SLC25A13: variants seen among roughly 807,000 people sequenced by gnomAD.
SLC25A13 encodes the protein electrogenic aspartate/glutamate antiporter SLC25A13, mitochondrial.
In SLC25A13, 70 loss-of-function variants were observed where a neutral mutation model predicts 85.5. The ratio of observed to expected loss-of-function variants is 0.82; its 90% CI spans 0.68 to 1.00. The LOEUF (loss-of-function observed/expected upper bound fraction) is 1.00. SLC25A13 is among the 50% of genes least tolerant of loss of function. SLC25A13 has a pLI of 0.00. For missense variants in SLC25A13, 765 were observed against 819.8 expected (o/e 0.93, Z 0.82); for synonymous variants, 259 against 288.7 (o/e 0.90, Z 1.04).
intron 13 of SLC25A13, among the ~76,000 whole-genome samples, chr7:96,165,999 C>A (rs187866797): frequency 4.1e-4 from 62 of 152,296 alleles, no homozygotes; most frequent in Admixed American, 2.4e-3. Flanking sequence ...ATGGGAATCA[C>A]CATTATGGTA....
At chr7:96,146,779 A>C in intron 13 of SLC25A13, 83 bp from the exon 14 acceptor site, 1 of 1,468,874 alleles carries the variant, frequency 6.8e-7, no homozygotes. Flanking sequence ...ATTCTCAAGG[A>C]TAAAAATATT....
intron 11 of SLC25A13, among the ~76,000 whole-genome samples, chr7:96,177,282 C>G (rs759033396): frequency 2.0e-5 from 3 of 152,154 alleles, no homozygotes; most frequent in East Asian, 1.9e-4. Context: ...TCCAGGGGCC[C>G]TGTATACTTT....
chr7:96,292,440 C>A (rs1173405050), intron 2 of SLC25A13, among the ~76,000 whole-genome samples: 13 of 152,088 alleles, frequency 8.5e-5, no homozygotes, highest in Admixed American at 8.5e-4. Context: ...GGCAATCAGG[C>A]AGGAGAAAGA....
At position 96,204,488 on chromosome 7, in the gene SLC25A13, G is replaced by A. The variant is rs887379464; in HGVS notation, c.468+4350C>T. 6.6e-5 allele frequency among the ~76,000 whole-genome samples: 10 copies of A among 151,862 alleles called. 1 individual carries two copies. The South Asian group carries it at 1.9e-3, about 28-fold the overall frequency. ...CCTGGCATTCAAAGTTGTAGCGAGCGCTAATGCACCACTGCACTCTAGCCT... is the reference window on the plus strand; with the variant it reads ...CCTGGCATTCAAAGTTGTAGCGAGCACTAATGCACCACTGCACTCTAGCCT... On this transcript the variant is annotated intron_variant, in intron 5 of 17. Transcript: ENST00000265631.
At chr7:96,145,269 T>C (rs1792735210) in intron 14 of SLC25A13, among the ~76,000 whole-genome samples, 1 of 152,100 alleles carries the variant, frequency 6.6e-6, no homozygotes, top group Admixed American at 6.5e-5. Context: ...CTTCACAAAG[T>C]CTCAGATCAT....
At chr7:96,316,155 C>G (rs1337623463) in intron 1 of SLC25A13, among the ~76,000 whole-genome samples, 1 of 151,962 alleles carries the variant, frequency 6.6e-6, no homozygotes, top group Non-Finnish European at 1.5e-5. Context: ...AGTCCAAATC[C>G]TAATGGAAAC....
intron 1 of SLC25A13, among the ~76,000 whole-genome samples, chr7:96,315,023 A>C (rs2117034359): frequency 6.6e-6 from 1 of 152,254 alleles, no homozygotes; most frequent in Admixed American, 6.5e-5. Context: ...CTGATCACAA[A>C]AAACCACTGA....
chr7:96,272,262 A>G (rs533536991), intron 3 of SLC25A13, among the ~76,000 whole-genome samples: 31 of 152,184 alleles, frequency 2.0e-4, no homozygotes, highest in Non-Finnish European at 3.7e-4. Context: ...TATCAAATAA[A>G]GGCCCATAAA....
intron 3 of SLC25A13, among the ~76,000 whole-genome samples, chr7:96,239,989 A>G (rs1253991161): frequency 2.0e-5 from 3 of 152,230 alleles, no homozygotes; most frequent in Non-Finnish European, 4.4e-5. Context: ...CACAATGTAA[A>G]TATTAATCAT....
chr7:96,306,846 C>G (rs1340354525), intron 1 of SLC25A13: 35 of 1,392,272 alleles, frequency 2.5e-5, no homozygotes. Context: ...CAGAAAAAGG[C>G]AAACGAGAAG....
At chr7:96,204,773 T>C (rs73710225) in intron 5 of SLC25A13, among the ~76,000 whole-genome samples, 2 of 152,316 alleles carry the variant, frequency 1.3e-5, no homozygotes, top group East Asian at 1.9e-4. Flanking sequence ...TTATAGTCTC[T>C]GCACCTTTCA....
At position 96,301,692 on chromosome 7, in the gene SLC25A13, G is replaced by A. The variant is rs371167061; in HGVS notation, c.16-4741C>T. Among the ~76,000 whole-genome samples the A allele has an allele frequency of 7.9e-5, 12 of 151,324 alleles. No homozygotes were observed. In the East Asian group the frequency reaches 1.4e-3, roughly 17 times the overall value. ...CACTCAGGCTGGAGTGCAGTGGTGC[G>A]ATCATGGCTTACTGCAGCCTCACAC... On this transcript the variant is annotated intron_variant, in intron 1 of 17. Transcript: ENST00000265631.
chr7:96,208,952 C>T lies in SLC25A13; in HGVS notation c.354G>A (p.Gln118=), dbSNP rs1333222363. The part of the protein sequence containing the change: ...TFEDVKQVFG[Q]TTIHQHIPFN... ...ATGGAATATGTTGATGAATTGTGGT[C>T]TGTCCAAAAACTTGCTTAACATCCT... Residue 118 remains glutamine (Q), a synonymous_variant, in exon 5 of 18, where the codon CAG becomes CAA. Transcript: ENST00000265631. 14 of 1,613,942 alleles carry T rather than the reference C, an allele frequency of 8.7e-6. No individual in the cohort carries two copies. Among genetic ancestry groups the T allele is most frequent in the African/African-American group, 1.3e-5 (1 of 74,902 alleles).
intron 11 of SLC25A13, among the ~76,000 whole-genome samples, chr7:96,180,894 A>G (rs1442815192): frequency 6.6e-6 from 1 of 152,240 alleles, no homozygotes; most frequent in Non-Finnish European, 1.5e-5. Flanking sequence ...ACAAGTTGTC[A>G]GGTAATTCAT....
chr7:96,315,723 T>C (rs1401741721), intron 1 of SLC25A13, among the ~76,000 whole-genome samples: 2 of 152,204 alleles, frequency 1.3e-5, no homozygotes, highest in African/African-American at 2.4e-5. Context: ...CCTCCATTCC[T>C]AGCACAAAAA....
At chr7:96,150,924 T>C (rs1279474832) in intron 13 of SLC25A13, among the ~76,000 whole-genome samples, 4 of 152,014 alleles carry the variant, frequency 2.6e-5, no homozygotes, top group Non-Finnish European at 4.4e-5. Flanking sequence ...GTTCAGTAAC[T>C]ATATGCCTCA....
At chr7:96,129,329 C>T (rs938592863) in intron 15 of SLC25A13, among the ~76,000 whole-genome samples, 2 of 152,182 alleles carry the variant, frequency 1.3e-5, no homozygotes, top group Non-Finnish European at 2.9e-5. Context: ...ATAAAGACAA[C>T]AGGATGGCAA....
chr7:96,191,317 C>T, intron 6 of SLC25A13, 70 bp from the exon 7 acceptor site: 1 of 1,508,422 alleles, frequency 6.6e-7, no homozygotes, highest in Non-Finnish European at 9.1e-7. Flanking sequence ...GAAGTACATA[C>T]ATCTAAAACT....
intron 2 of SLC25A13, among the ~76,000 whole-genome samples, chr7:96,288,650 G>A (rs773874667): frequency 2.0e-5 from 3 of 152,186 alleles, no homozygotes; most frequent in African/African-American, 4.8e-5. Flanking sequence ...AGGGTCCCAC[G>A]CCCACGGAGC....
Sources: gnomAD v4.1 joint callset for allele counts (sites outside exome capture counted in the v4.1 genomes callset) on GRCh38, gnomAD v4.1.1 for gene constraint, MANE v1.5 for transcripts, NCBI Gene and HGNC (gene_info 2026-07-23, HGNC 2026-07-21) for gene names.